The following TRPV1 variants were observed in gnomAD, a reference collection of about 807,000 sequenced individuals.
TRPV1 encodes the protein OTRPC1.
In TRPV1, 82 loss-of-function variants were observed where a neutral mutation model predicts 82.3. The ratio of observed to expected loss-of-function variants is 1.00; its 90% CI spans 0.83 to 1.20. The LOEUF (loss-of-function observed/expected upper bound fraction) is 1.20. Ranked by LOEUF, TRPV1 falls within the 50% of genes most tolerant of loss-of-function variation. The probability of loss-of-function intolerance (pLI) is 0.00; values close to 1 mark genes in which losing one functional copy is unlikely to be tolerated. For missense variants in TRPV1, 1,067 were observed against 1,096.8 expected (o/e 0.97, Z 0.38); for synonymous variants, 515 against 467.7 (o/e 1.10, Z -1.30).
At chr17:3,570,024 C>T (rs556539325) in intron 16 of TRPV1, among the ~76,000 whole-genome samples, 4 of 123,134 alleles carry the variant, frequency 3.2e-5, no homozygotes, top group African/African-American at 1.1e-4. Context: ...GGAGGAGGGG[C>T]CAAGCGGTCA....
intron 9 of TRPV1, among the ~76,000 whole-genome samples, chr17:3,584,390 G>A (rs570124584): frequency 2.5e-5 from 3 of 120,474 alleles, no homozygotes; most frequent in African/African-American, 1.0e-4. Context: ...AAAACAGAGA[G>A]AGACTCTGTC....
intron 2 of TRPV1, among the ~76,000 whole-genome samples, chr17:3,604,732 A>C (rs2075286367): frequency 6.6e-6 from 1 of 152,148 alleles, no homozygotes; most frequent in East Asian, 1.9e-4. Context: ...CGGGAGGAAA[A>C]GCAGCGGCTG....
intron 2 of TRPV1, among the ~76,000 whole-genome samples, chr17:3,598,490 C>G (rs998980070): frequency 1.3e-5 from 2 of 151,756 alleles, no homozygotes; most frequent in Non-Finnish European, 2.9e-5. Flanking sequence ...TTGCCCAGGC[C>G]GCACGTTGGT....
intron 2 of TRPV1, among the ~76,000 whole-genome samples, chr17:3,598,151 G>A (rs1047933667): frequency 6.6e-6 from 1 of 152,176 alleles, no homozygotes; most frequent in Non-Finnish European, 1.5e-5. Context: ...TCCAGGCTGC[G>A]GCCCAAATGC....
rs756599146 is a variant in TRPV1 at position 3,589,800 on chromosome 17, C to G, written c.1044+7G>C. 3.7e-6 allele frequency: 6 copies of G among 1,606,504 alleles called. No homozygotes were observed. In the African/African-American group the frequency reaches 8.0e-5, roughly 21 times the overall value. On this transcript the variant is annotated splice_region_variant and intron_variant, in intron 7 of 16. Coordinates refer to ENST00000572705, the MANE Select transcript of TRPV1 (RefSeq NM_080704.4). ...CCGCACCAGCCTGAGCCGAAGCCCCCTCTTACCCCGATCTTCCCGGTCCCA... is the reference window on the plus strand; with the variant it reads ...CCGCACCAGCCTGAGCCGAAGCCCCGTCTTACCCCGATCTTCCCGGTCCCA...
At chr17:3,569,403 G>A (rs1391158784) in intron 16 of TRPV1, among the ~76,000 whole-genome samples, 3 of 152,106 alleles carry the variant, frequency 2.0e-5, no homozygotes, top group African/African-American at 7.2e-5. Context: ...CTCCAGCCTG[G>A]GCAACACAGC....
intron 16 of TRPV1, among the ~76,000 whole-genome samples, chr17:3,570,970 G>C (rs1454291330): frequency 2.6e-5 from 4 of 152,156 alleles, no homozygotes; most frequent in Admixed American, 2.6e-4. Context: ...ACCCGTCTCA[G>C]CCTCCCAAAG....
chr17:3,608,201 A>G (rs1392519705), intron 2 of TRPV1: 3 of 123,064 alleles, frequency 2.4e-5, no homozygotes, highest in Non-Finnish European at 3.5e-5. Flanking sequence ...ACACAGTGAG[A>G]CTATGTCTCA....
At chr17:3,589,727 G>C in intron 7 of TRPV1, 80 bp downstream of exon 7, 2 of 1,481,118 alleles carry the variant, frequency 1.4e-6, no homozygotes, top group East Asian at 4.6e-5. Flanking sequence ...GCGACGCCAG[G>C]CTCCCGCAGT....
intron 13 of TRPV1, 53 bp from the exon 14 acceptor site, chr17:3,574,008 G>A (rs1368352074): frequency 6.9e-7 from 1 of 1,456,268 alleles, no homozygotes; most frequent in Non-Finnish European, 9.2e-7. Flanking sequence ...AATATCCCAA[G>A]TCCCCTGACA....
intron 10 of TRPV1, among the ~76,000 whole-genome samples, chr17:3,582,026 T>A (rs1162472483): frequency 6.9e-6 from 1 of 144,598 alleles, no homozygotes; most frequent in Non-Finnish European, 1.5e-5. Flanking sequence ...CCGTCTCTAC[T>A]AAAAATACAA....
intron 1 of TRPV1, 23 bp from the exon 2 acceptor site, chr17:3,608,588 G>T (rs1373720092): frequency 6.6e-6 from 1 of 152,178 alleles, no homozygotes; most frequent in Non-Finnish European, 1.5e-5. Flanking sequence ...ATGCACAAGG[G>T]AAAACTTGGG....
At chr17:3,576,668 AAT>A (rs1555549458) in intron 13 of TRPV1, among the ~76,000 whole-genome samples, 12 of 38,426 alleles carry the variant, frequency 3.1e-4, no homozygotes, top group Admixed American at 9.0e-4. Flanking sequence ...AAAAAAAAAA[AAT>A]ATATATATAT....
At chr17:3,578,971 C>G (rs1377072264) in intron 11 of TRPV1, 1 of 152,058 alleles carries the variant, frequency 6.6e-6, no homozygotes, top group Non-Finnish European at 1.5e-5. Context: ...TGGAGCAAAA[C>G]ACTGGGCACC....
chr17:3,576,670 T>A (rs7222725), intron 13 of TRPV1, among the ~76,000 whole-genome samples: 2,483 of 26,562 alleles, frequency 0.093, 50 homozygotes, highest in Non-Finnish European at 0.11. Flanking sequence ...AAAAAAAAAA[T>A]ATATATATAT....
chr17:3,601,644 A>G (rs1027437836), intron 2 of TRPV1: 2 of 151,532 alleles, frequency 1.3e-5, no homozygotes, highest in Non-Finnish European at 2.9e-5. Flanking sequence ...ATTGTCACCC[A>G]ATGCAAGGGA....
At chr17:3,596,761 C>T (rs2075223578) in intron 2 of TRPV1, among the ~76,000 whole-genome samples, 1 of 152,300 alleles carries the variant, frequency 6.6e-6, no homozygotes, top group Admixed American at 6.5e-5. Flanking sequence ...TCTTACTACC[C>T]CCCGTTTTCA....
At chr17:3,576,715 C>G (rs224521) in intron 13 of TRPV1, among the ~76,000 whole-genome samples, 116,978 of 131,150 alleles carry the variant, frequency 0.89, 53,963 homozygotes, top group East Asian at 1. Flanking sequence ...CGGGCATGGT[C>G]GTGGGCGCCT....
intron 15 of TRPV1, 42 bp from the exon 16 acceptor site, chr17:3,571,681 G>A: frequency 6.7e-7 from 1 of 1,502,062 alleles, no homozygotes; most frequent in Non-Finnish European, 9.1e-7. Context: ...GCTGTGCCCA[G>A]CTTCCCGGGC....
Sources: allele counts gnomAD v4.1 joint callset (sites outside exome capture counted in the v4.1 genomes callset), GRCh38; gene constraint gnomAD v4.1.1; transcripts MANE v1.5; gene names NCBI Gene and HGNC (gene_info 2026-07-23, HGNC 2026-07-21).